EDIL3: variants seen among roughly 807,000 people sequenced by gnomAD.
EDIL3 encodes the protein EGF like and discoidin domains 3, also known as EGF-like repeat and discoidin I-like domain-containing protein 3.
Under a neutral mutation model 67.4 loss-of-function variants are expected in EDIL3, and 37 were observed. The ratio of observed to expected loss-of-function variants is 0.55; its 90% CI spans 0.42 to 0.72. The LOEUF (loss-of-function observed/expected upper bound fraction) is 0.72. Among genes scored for constraint, EDIL3 ranks in the 30% least tolerant of loss-of-function variants. EDIL3 has a pLI of 0.00. For synonymous variants in EDIL3, 195 were observed against 196.3 expected, an observed-to-expected ratio of 0.99 and a Z score of 0.05; for missense variants, 527 against 586.3, an observed-to-expected ratio of 0.90 and a Z score of 1.04.
intron 1 of EDIL3, among the ~76,000 whole-genome samples, chr5:84,307,807 G>A (rs1311002968): frequency 6.6e-6 from 1 of 152,146 alleles, no homozygotes; most frequent in African/African-American, 2.4e-5. Context: ...AGAAAGTCTG[G>A]TCTCTAATGC....
intron 5 of EDIL3, among the ~76,000 whole-genome samples, chr5:84,125,816 A>T (rs183224466): frequency 3.3e-5 from 5 of 152,148 alleles, no homozygotes; most frequent in African/African-American, 1.2e-4. Flanking sequence ...TAAATTGATT[A>T]TGAAATTTTA....
chr5:84,111,221 A>G (rs1020395557), intron 5 of EDIL3, among the ~76,000 whole-genome samples: 2 of 152,154 alleles, frequency 1.3e-5, no homozygotes, highest in African/African-American at 2.4e-5. Flanking sequence ...TGAGTCAATT[A>G]AACTATTTTC....
chr5:84,043,298 A>G (rs1025813031), intron 9 of EDIL3, among the ~76,000 whole-genome samples: 1 of 152,168 alleles, frequency 6.6e-6, no homozygotes, highest in African/African-American at 2.4e-5. Context: ...TTCCTCAGGT[A>G]TATCTGGGTT....
At chr5:84,232,201 G>A (rs148404910) in intron 2 of EDIL3, among the ~76,000 whole-genome samples, 2 of 152,276 alleles carry the variant, frequency 1.3e-5, no homozygotes, top group East Asian at 3.9e-4. Context: ...GAGTAGTTAT[G>A]CTCCTAATAA....
chr5:84,155,915 C>T (rs1237124993), intron 4 of EDIL3, among the ~76,000 whole-genome samples: 1 of 152,120 alleles, frequency 6.6e-6, no homozygotes, highest in Non-Finnish European at 1.5e-5. Flanking sequence ...TGATTGCCTA[C>T]TTACACGAAT....
At chr5:84,118,426 T>G (rs1292945545) in intron 5 of EDIL3, among the ~76,000 whole-genome samples, 1 of 152,172 alleles carries the variant, frequency 6.6e-6, no homozygotes, top group Non-Finnish European at 1.5e-5. Context: ...AATTTACAAA[T>G]GCAGGTAATT....
At chr5:83,982,090 C>T (rs1223184706) in intron 9 of EDIL3, among the ~76,000 whole-genome samples, 1 of 151,244 alleles carries the variant, frequency 6.6e-6, no homozygotes, top group African/African-American at 2.4e-5. Flanking sequence ...TAAGTTTTAC[C>T]AAAAAAAATC....
intron 6 of EDIL3, among the ~76,000 whole-genome samples, chr5:84,100,438 G>T (rs1294551439): frequency 2.6e-5 from 4 of 152,068 alleles, no homozygotes; most frequent in Non-Finnish European, 5.9e-5. Flanking sequence ...CATGGATGAA[G>T]CTGGAAACCA....
chr5:84,242,634 C>A (rs1296495301), intron 2 of EDIL3, among the ~76,000 whole-genome samples: 2 of 151,592 alleles, frequency 1.3e-5, no homozygotes, highest in African/African-American at 4.9e-5. Flanking sequence ...CCTGTCTCTA[C>A]ACAAAGTACA....
intron 6 of EDIL3, among the ~76,000 whole-genome samples, chr5:84,075,890 G>GCGCA (rs376573495): frequency 6.2e-5 from 9 of 144,970 alleles, no homozygotes; most frequent in South Asian, 2.2e-4. Flanking sequence ...AAGTGTGCAC[G>GCGCA]CACACACACA....
At chr5:84,058,380 G>A (rs1312164177) in intron 9 of EDIL3, among the ~76,000 whole-genome samples, 1 of 151,756 alleles carries the variant, frequency 6.6e-6, no homozygotes, top group Non-Finnish European at 1.5e-5. Context: ...ACACACACAC[G>A]AGTTACAACT....
At chr5:84,358,828 T>TC (rs1243836583) in intron 1 of EDIL3, among the ~76,000 whole-genome samples, 1 of 152,084 alleles carries the variant, frequency 6.6e-6, no homozygotes, top group East Asian at 1.9e-4. Flanking sequence ...GCCAGGATGG[T>TC]CTTGATCTCC....
At chr5:84,142,819 GC>G (rs11329625) in intron 4 of EDIL3, among the ~76,000 whole-genome samples, 5,654 of 136,876 alleles carry the variant, frequency 0.041, 209 homozygotes, top group African/African-American at 0.1. Flanking sequence ...GATAGACGGT[GC>G]CCCCCCCCCC....
chr5:84,116,585 T>A (rs915147120), intron 5 of EDIL3, among the ~76,000 whole-genome samples: 1 of 152,122 alleles, frequency 6.6e-6, no homozygotes, highest in Admixed American at 6.5e-5. Context: ...ATTTCCAGTA[T>A]AAAGTTGAAA....
At chr5:84,267,350 T>A (rs1745370852) in intron 1 of EDIL3, among the ~76,000 whole-genome samples, 1 of 152,252 alleles carries the variant, frequency 6.6e-6, no homozygotes. Flanking sequence ...ATTCTGGGTT[T>A]CAGTTTGCAG....
intron 1 of EDIL3, among the ~76,000 whole-genome samples, chr5:84,273,339 T>C (rs1168187306): frequency 1.3e-5 from 2 of 152,118 alleles, no homozygotes; most frequent in African/African-American, 2.4e-5. Flanking sequence ...GAACAATTGT[T>C]CTGCTCTCCT....
chr5:84,321,594 C>T (rs1241968610), intron 1 of EDIL3, among the ~76,000 whole-genome samples: 1 of 152,104 alleles, frequency 6.6e-6, no homozygotes, highest in Non-Finnish European at 1.5e-5. Context: ...CCTCATCCTT[C>T]TGACGGAAAA....
At chr5:83,982,713 C>A (rs1429088605) in intron 9 of EDIL3, among the ~76,000 whole-genome samples, 1 of 152,060 alleles carries the variant, frequency 6.6e-6, no homozygotes, top group African/African-American at 2.4e-5. Flanking sequence ...AATAAGTATT[C>A]ACATGATTTA....
chr5:83,948,254 A>AT (rs1036331145), intron 10 of EDIL3, among the ~76,000 whole-genome samples: 2 of 151,558 alleles, frequency 1.3e-5, no homozygotes, highest in Admixed American at 6.6e-5. Context: ...TATAATTCTG[A>AT]TTTTTGTGGC....
Sources: allele counts gnomAD v4.1 joint callset (sites outside exome capture counted in the v4.1 genomes callset), GRCh38; gene constraint gnomAD v4.1.1; transcripts MANE v1.5; gene names NCBI Gene and HGNC (gene_info 2026-07-23, HGNC 2026-07-21).